Variants in PPP1R9A observed in about 807,000 individuals in gnomAD.
PPP1R9A encodes neurabin-1.
A neutral mutation model predicts 141.9 loss-of-function variants in PPP1R9A; 59 were observed. The ratio of observed to expected loss-of-function variants is 0.42; its 90% CI spans 0.34 to 0.52. The LOEUF is 0.52. Ranked by LOEUF, PPP1R9A falls within the 20% of genes least tolerant of loss-of-function variation. The probability of loss-of-function intolerance (pLI) is 0.10; values close to 1 mark genes in which losing one functional copy is unlikely to be tolerated. For synonymous variants in PPP1R9A, 500 were observed against 569.7 expected, an observed-to-expected ratio of 0.88 and a Z score of 1.74; for missense variants, 1,444 against 1,611.9, an observed-to-expected ratio of 0.90 and a Z score of 1.78.
chr7:95,013,792 C>T (rs1019863288), intron 2 of PPP1R9A, among the ~76,000 whole-genome samples: 4 of 152,048 alleles, frequency 2.6e-5, no homozygotes, highest in Non-Finnish European at 5.9e-5. Flanking sequence ...AATATTGCAG[C>T]CCTTCTCAAA....
intron 7 of PPP1R9A, among the ~76,000 whole-genome samples, chr7:95,217,386 A>T (rs1331595704): frequency 1.3e-5 from 2 of 152,142 alleles, no homozygotes; most frequent in Non-Finnish European, 2.9e-5. Context: ...TTTATTGAGG[A>T]TATTCACATC....
intron 7 of PPP1R9A, among the ~76,000 whole-genome samples, chr7:95,205,351 ATT>A (rs1289812296): frequency 6.6e-6 from 1 of 152,220 alleles, no homozygotes; most frequent in Non-Finnish European, 1.5e-5. Context: ...ATGTAATTAA[ATT>A]TCTCTGAAAG....
intron 2 of PPP1R9A, among the ~76,000 whole-genome samples, chr7:94,967,854 T>A (rs191918832): frequency 1.6e-3 from 239 of 152,306 alleles, no homozygotes; most frequent in East Asian, 4.1e-3. Context: ...TTAGAATAAG[T>A]GCAATGTGGT....
chr7:95,235,179 A>G (rs573385023), intron 8 of PPP1R9A, among the ~76,000 whole-genome samples: 8 of 152,194 alleles, frequency 5.3e-5, no homozygotes, highest in Non-Finnish European at 1.0e-4. Flanking sequence ...ACGTAATTAA[A>G]CTAAAAAGCT....
intron 4 of PPP1R9A, among the ~76,000 whole-genome samples, chr7:95,130,243 C>T (rs1824339060): frequency 6.6e-6 from 1 of 152,098 alleles, no homozygotes; most frequent in African/African-American, 2.4e-5. Flanking sequence ...CCCAGCTGTT[C>T]CAGCCTTGGC....
intron 4 of PPP1R9A, among the ~76,000 whole-genome samples, chr7:95,137,299 T>C (rs1210998761): frequency 6.8e-6 from 1 of 146,986 alleles, no homozygotes; most frequent in Non-Finnish European, 1.5e-5. Flanking sequence ...GTGTTCTCAT[T>C]GTTCAGTTCC....
At chr7:95,163,871 C>G (rs1234310074) in intron 5 of PPP1R9A, among the ~76,000 whole-genome samples, 1 of 152,170 alleles carries the variant, frequency 6.6e-6, no homozygotes, top group East Asian at 1.9e-4. Flanking sequence ...TCGCAAGTAG[C>G]TGGATTACAG....
chr7:95,016,912 G>C (rs1006090354), intron 2 of PPP1R9A, among the ~76,000 whole-genome samples: 1 of 152,036 alleles, frequency 6.6e-6, no homozygotes, highest in African/African-American at 2.4e-5. Flanking sequence ...CTGGAAATAG[G>C]GTCTTTGCAA....
At chr7:95,016,515 C>T (rs1004161239) in intron 2 of PPP1R9A, among the ~76,000 whole-genome samples, 8 of 151,772 alleles carry the variant, frequency 5.3e-5, no homozygotes, top group Non-Finnish European at 1.0e-4. Flanking sequence ...TAATACATGC[C>T]TAAGTAGAAG....
In PPP1R9A at chr7:95,100,992, A is replaced by G. The variant is rs571478629; in HGVS notation, c.1396-10267A>G. 3.4e-3 allele frequency among the ~76,000 whole-genome samples: 506 copies of G among 150,740 alleles called. 10 individuals are homozygous for G. The highest frequency in any genetic ancestry group is 0.029 in the Admixed American group (434 of 15,102). ...CTCAGCCTCCCGAGTAGCTGGGACT[A>G]CAGGCGCCCGCTACCACGCCCGGCT... is the stretch of plus-strand genomic sequence containing the variant. On this transcript the variant is annotated intron_variant, in intron 2 of 19. Coordinates refer to ENST00000433360, the MANE Select transcript of PPP1R9A (RefSeq NM_001166160.2).
intron 19 of PPP1R9A, among the ~76,000 whole-genome samples, chr7:95,289,197 C>T (rs1805921015): frequency 1.3e-5 from 2 of 152,210 alleles, no homozygotes; most frequent in African/African-American, 2.4e-5. Context: ...CTTCCCTCCC[C>T]TCCATGGCAC....
intron 2 of PPP1R9A, among the ~76,000 whole-genome samples, chr7:95,029,382 C>T (rs1229753775): frequency 1.3e-5 from 2 of 151,934 alleles, no homozygotes; most frequent in Admixed American, 6.6e-5. Flanking sequence ...TGGAAGTAGA[C>T]CAGATTTTGA....
intron 2 of PPP1R9A, among the ~76,000 whole-genome samples, chr7:94,969,003 G>C (rs191473764): frequency 6.6e-6 from 1 of 151,944 alleles, no homozygotes; most frequent in Non-Finnish European, 1.5e-5. Context: ...GGTCATTTAT[G>C]TTCCTCTCTA....
intron 2 of PPP1R9A, among the ~76,000 whole-genome samples, chr7:95,047,898 G>A (rs983720918): frequency 6.6e-6 from 1 of 152,094 alleles, no homozygotes; most frequent in Admixed American, 6.6e-5. Flanking sequence ...CAAACTATAA[G>A]TATAAAAACA....
intron 16 of PPP1R9A, among the ~76,000 whole-genome samples, chr7:95,278,314 C>T (rs942411266): frequency 6.6e-6 from 1 of 151,996 alleles, no homozygotes; most frequent in African/African-American, 2.4e-5. Context: ...GACTCAAAGA[C>T]TTAGTATGAA....
intron 7 of PPP1R9A, among the ~76,000 whole-genome samples, chr7:95,207,934 C>G (rs1435140076): frequency 6.6e-6 from 1 of 151,770 alleles, no homozygotes; most frequent in Non-Finnish European, 1.5e-5. Flanking sequence ...TGAGATATAC[C>G]AAAGAAAGTG....
At chr7:95,011,585 T>G (rs1804424430) in intron 2 of PPP1R9A, among the ~76,000 whole-genome samples, 1 of 152,180 alleles carries the variant, frequency 6.6e-6, no homozygotes, top group Non-Finnish European at 1.5e-5. Flanking sequence ...AATCACACAT[T>G]TACTACTAAT....
chr7:95,107,768 G>C (rs78176688), intron 2 of PPP1R9A, among the ~76,000 whole-genome samples: 3,461 of 152,066 alleles, frequency 0.023, 141 homozygotes, highest in African/African-American at 0.079. Context: ...CTGCTTGTTA[G>C]TTTTCACGAA....
chr7:95,058,274 G>A (rs1311682668), intron 2 of PPP1R9A, among the ~76,000 whole-genome samples: 1 of 152,120 alleles, frequency 6.6e-6, no homozygotes, highest in Non-Finnish European at 1.5e-5. Context: ...TCCCTTACTA[G>A]GTATTAGATG....
Sources: allele counts gnomAD v4.1 joint callset (sites outside exome capture counted in the v4.1 genomes callset), GRCh38; gene constraint gnomAD v4.1.1; transcripts MANE v1.5; gene names NCBI Gene and HGNC (gene_info 2026-07-23, HGNC 2026-07-21).